The following KIF14 variants were observed in gnomAD, a reference collection of about 807,000 sequenced individuals.
The protein encoded by KIF14 is kinesin-like protein KIF14.
In KIF14, 98 loss-of-function variants were observed where a neutral mutation model predicts 176.2. The ratio of observed to expected loss-of-function variants is 0.56; its 90% CI spans 0.47 to 0.66. The LOEUF (loss-of-function observed/expected upper bound fraction) is 0.66. Among genes scored for constraint, KIF14 ranks in the 30% least tolerant of loss-of-function variants. The pLI, the probability that KIF14 is intolerant of heterozygous loss-of-function variation, is 0.00. For missense variants in KIF14, 1,751 were observed against 1,920.4 expected, an observed-to-expected ratio of 0.91 and a Z score of 1.65; for synonymous variants, 566 against 632.2, an observed-to-expected ratio of 0.90 and a Z score of 1.57.
intron 14 of KIF14, among the ~76,000 whole-genome samples, chr1:200,596,147 A>C (rs963450695): frequency 6.6e-6 from 1 of 152,006 alleles, no homozygotes; most frequent in Non-Finnish European, 1.5e-5. Flanking sequence ...CCAGCTACTC[A>C]GGAGGCTGAA....
At chr1:200,599,108 T>G (rs997349735) in intron 13 of KIF14, among the ~76,000 whole-genome samples, 3 of 152,206 alleles carry the variant, frequency 2.0e-5, no homozygotes, top group Non-Finnish European at 4.4e-5. Flanking sequence ...CGTCAACAGC[T>G]TCTGTTTTCA....
chr1:200,562,656 C>G (rs147771246), intron 25 of KIF14, among the ~76,000 whole-genome samples: 1 of 152,238 alleles, frequency 6.6e-6, no homozygotes, highest in Non-Finnish European at 1.5e-5. Flanking sequence ...TAAGTCAGAC[C>G]CTTCGCTTCT....
Position 200,615,498 on chromosome 1 carries a change from C to A in KIF14, c.1224G>T (p.Trp408Cys). Residue 408 changes from tryptophan to cysteine, a missense_variant, in exon 3 of 30, where the codon TGG becomes TGT. By Grantham distance (215) the Trp-to-Cys change is radical. Coordinates refer to ENST00000367350, the MANE Select transcript of KIF14 (RefSeq NM_014875.3). ...AGTGAGGATGACATTCATCAAAAGA[C>A]CAGAATGAAACATCATAAATAAAAT... The part of the protein sequence containing the change: ...VYNFIYDVSF[W>C]SFDECHPHYA... The A allele has an allele frequency of 6.2e-7, 1 of 1,613,972 alleles. No individual in the cohort carries two copies. Among genetic ancestry groups the A allele is most frequent in the East Asian group, 2.2e-5 (1 of 44,876 alleles).
At chr1:200,608,694 T>C (rs968859555) in intron 5 of KIF14, 136 bp downstream of exon 5, 3 of 605,520 alleles carry the variant, frequency 5.0e-6, no homozygotes, top group Admixed American at 2.9e-5. Context: ...ATAATCTAAT[T>C]GGACTGTAGA....
intron 25 of KIF14, among the ~76,000 whole-genome samples, chr1:200,562,098 T>C (rs1050326868): frequency 3.9e-5 from 6 of 152,254 alleles, no homozygotes; most frequent in Admixed American, 1.3e-4. Flanking sequence ...TTGGGGAATA[T>C]GCTAATTGTA....
At chr1:200,593,877 C>CATACCA in intron 14 of KIF14, 108 bp from the exon 15 acceptor site, 1 of 541,596 alleles carries the variant, frequency 1.8e-6, no homozygotes, top group Non-Finnish European at 3.3e-6. Context: ...TGTTAAGATT[C>CATACCA]ATACCAATAT....
At chr1:200,558,244 C>A (rs1054461765) in intron 27 of KIF14, among the ~76,000 whole-genome samples, 1 of 152,136 alleles carries the variant, frequency 6.6e-6, no homozygotes, top group East Asian at 1.9e-4. Context: ...CATGAGCTAC[C>A]ATCCCTGGCC....
rs2102653768 is a variant in KIF14, at chr1:200,581,223, T to C, written c.3313A>G (p.Lys1105Glu). 1 of 1,602,476 alleles carries C rather than the reference T, an allele frequency of 6.2e-7. No individual in the cohort carries two copies. The highest frequency in any genetic ancestry group is 8.5e-7 in the Non-Finnish European group (1 of 1,175,016). ...CACCTGCCAAAAACATAGTATGTTTTCAATTTGCTGCTGATAGCATTGGCT... is the reference window on the plus strand; with the variant it reads ...CACCTGCCAAAAACATAGTATGTTTCCAATTTGCTGCTGATAGCATTGGCT... ...QEANAISSKL[K>E]TYYVFGRHDI... The change falls in exon 20 of 30, where the codon AAA becomes GAA. Residue 1105 changes from lysine (K) to glutamate (E), a missense_variant. Transcript: ENST00000367350.
At chr1:200,614,732 C>CT (rs11413764) in intron 3 of KIF14, among the ~76,000 whole-genome samples, 139,386 of 147,878 alleles carry the variant, frequency 0.94, 65,797 homozygotes, top group Middle Eastern at 0.99. Context: ...CTTGGGACCC[C>CT]TCCACGCTGT....
chr1:200,584,903 TA>T (rs1241751378), intron 19 of KIF14, among the ~76,000 whole-genome samples: 1 of 152,134 alleles, frequency 6.6e-6, no homozygotes, highest in African/African-American at 2.4e-5. Flanking sequence ...AAGGAAGAAG[TA>T]AAATTGTTAG....
In KIF14 at chr1:200,598,221, TAGAGGA is replaced by T. The variant is rs767475187; in HGVS notation, c.2549+10_2549+15del. The T allele has an allele frequency of 6.3e-7, 1 of 1,595,058 alleles. No individual in the cohort carries two copies. Among genetic ancestry groups the T allele is most frequent in the Admixed American group, 1.8e-5 (1 of 54,820 alleles). ...AGAACAGGTGCCTTTTCTTTTTTTT[TAGAGGA>T]TTAACATACCAATGATCATCAGCAA... On this transcript the variant is annotated intron_variant, in intron 14 of 29. Transcript: ENST00000367350.
chr1:200,605,322 T>A lies in KIF14; in HGVS notation c.1707A>T (p.Arg569=), dbSNP rs373702889. The A allele has an allele frequency of 6.8e-6, 11 of 1,613,518 alleles. No individual in the cohort carries two copies. Among genetic ancestry groups the A allele is most frequent in the Non-Finnish European group, 9.3e-6 (11 of 1,179,758 alleles). Residue 569 remains arginine (R), a synonymous_variant, in exon 8 of 30, where the codon CGA becomes CGT. Coordinates refer to ENST00000367350, the MANE Select transcript of KIF14 (RefSeq NM_014875.3). ...TCACCAGGGTGAAAACTGAATGAGATCGGGAACTTTTATCATTCATACCAG... is the reference window on the plus strand; with the variant it reads ...TCACCAGGGTGAAAACTGAATGAGAACGGGAACTTTTATCATTCATACCAG... ...AATGMNDKSS[R]SHSVFTLVMT...
intron 21 of KIF14, among the ~76,000 whole-genome samples, chr1:200,576,493 A>AG (rs1658122004): frequency 6.6e-6 from 1 of 151,992 alleles, no homozygotes; most frequent in East Asian, 1.9e-4. Context: ...AAAAAAAAAA[A>AG]AAAGTAGGAG....
In KIF14 at chr1:200,589,202, A is replaced by T; in HGVS notation, c.3114+15T>A. The T allele has an allele frequency of 5.0e-6, 8 of 1,584,842 alleles. No individual in the cohort carries two copies. The highest frequency in any genetic ancestry group is 6.9e-6 in the Non-Finnish European group (8 of 1,164,628). ...TTTCTCAGAATAGAGTTAACTGGTT[A>T]CACAATAAAATTACCTGTTTTGTAG... On this transcript the variant is annotated intron_variant, in intron 18 of 29. Transcript: ENST00000367350.
chr1:200,593,473 A>G (rs1344650422), intron 15 of KIF14, among the ~76,000 whole-genome samples, 194 bp downstream of exon 15: 1 of 152,234 alleles, frequency 6.6e-6, no homozygotes, highest in East Asian at 1.9e-4. Context: ...TCAGCTCTTC[A>G]GGTACTGATT....
At chr1:200,563,136 A>C (rs1657253183) in intron 25 of KIF14, among the ~76,000 whole-genome samples, 3 of 152,216 alleles carry the variant, frequency 2.0e-5, no homozygotes, top group African/African-American at 7.2e-5. Flanking sequence ...CAAGTTTACT[A>C]GTTAGATCAG....
In KIF14 at chr1:200,560,897, G is replaced by A. The variant is rs778418335; in HGVS notation, c.4072-17C>T. 1 of 1,608,148 alleles carries A rather than the reference G, an allele frequency of 6.2e-7. No individual in the cohort carries two copies. The highest frequency in any genetic ancestry group is 1.1e-5 in the South Asian group (1 of 90,932). ...ACAGCATCCCTGTAAGATAAAAATG[G>A]ACAAGTGTATCAGATACATGAGATT... On this transcript the variant is annotated splice_polypyrimidine_tract_variant and intron_variant, in intron 25 of 29. Coordinates refer to ENST00000367350, the MANE Select transcript of KIF14 (RefSeq NM_014875.3).
At position 200,618,497 on chromosome 1, in the gene KIF14, G is replaced by A. The variant is rs776521758; in HGVS notation, c.227C>T (p.Ala76Val). ...TYVISASRKT[A>V]DMPLTPNPVG... is the part of the protein sequence containing the mutation. ...AGGATTAGGGGTAAGGGGCATGTCT[G>A]CTGTTTTTCTACTGGCAGAAATAAC... The change falls in exon 2 of 30, where the codon GCA becomes GTA. Residue 76 changes from alanine to valine, a missense_variant. By Grantham distance (64) the Ala-to-Val change is moderately conservative. Transcript: ENST00000367350. The A allele has an allele frequency of 1.2e-6, 2 of 1,614,044 alleles. No individual in the cohort carries two copies. Among genetic ancestry groups the A allele is most frequent in the Admixed American group, 1.7e-5 (1 of 60,018 alleles).
intron 4 of KIF14, among the ~76,000 whole-genome samples, chr1:200,612,881 C>CTTTTTTTTTTT (rs58120760): frequency 7.6e-5 from 6 of 79,100 alleles, no homozygotes; most frequent in Non-Finnish European, 1.4e-4. Context: ...AGTTTATTCT[C>CTTTTTTTTTTT]TTTTTTTTTT....
Sources: gnomAD v4.1 joint callset for allele counts (sites outside exome capture counted in the v4.1 genomes callset) on GRCh38, gnomAD v4.1.1 for gene constraint, MANE v1.5 for transcripts, NCBI Gene and HGNC (gene_info 2026-07-23, HGNC 2026-07-21) for gene names.